Variants in CEP290 observed in about 807,000 individuals in gnomAD.
CEP290 encodes centrosomal protein 290.
Under a neutral mutation model 344.9 loss-of-function variants are expected in CEP290, and 317 were observed. The observed-to-expected ratio is 0.92, with a 90% CI of 0.84 to 1.01. The LOEUF (loss-of-function observed/expected upper bound fraction) is 1.01, where lower values mean the gene tolerates loss of function less well. Among genes scored for constraint, CEP290 ranks in the 50% least tolerant of loss-of-function variants. The pLI, the probability that CEP290 is intolerant of heterozygous loss-of-function variation, is 0.00. For synonymous variants in CEP290, 932 were observed against 895.8 expected (o/e 1.04, Z -0.72); for missense variants, 2,754 against 2,761.4 (o/e 1.00, Z 0.06).
chr12:88,079,003 C>A, intron 39 of CEP290, 89 bp downstream of exon 39: 2 of 1,152,706 alleles, frequency 1.7e-6, no homozygotes, highest in South Asian at 2.1e-5. Flanking sequence ...ATTCCCTATT[C>A]ATCAACAAAA....
intron 52 of CEP290, among the ~76,000 whole-genome samples, chr12:88,053,270 G>GA (rs1271193635): frequency 1.3e-5 from 2 of 151,880 alleles, no homozygotes; most frequent in African/African-American, 4.8e-5. Flanking sequence ...TTTGTAAACG[G>GA]AAAAAAATAT....
At position 88,064,264 on chromosome 12, in the gene CEP290, T is replaced by C. The variant is rs139935022; in HGVS notation, c.6136-149A>G. 7.8e-4 allele frequency: 477 copies of C among 615,480 alleles called. 1 individual carries two copies. The African/African-American group carries it at 9.0e-3, about 12-fold the overall frequency. The allele number at this position is 615,480 out of a possible 1,614,324, so 38.1% of individuals were successfully genotyped here. ...GGAGTGTTCTGGTGAAAGCCAAAAATAAATAAGTTAGAATACAAAACTTGC... is the reference window on the plus strand; with the variant it reads ...GGAGTGTTCTGGTGAAAGCCAAAAACAAATAAGTTAGAATACAAAACTTGC... On this transcript the variant is annotated intron_variant, in intron 44 of 53. Coordinates refer to ENST00000552810, the MANE Select transcript of CEP290 (RefSeq NM_025114.4).
intron 1 of CEP290, 36 bp from the exon 2 acceptor site, chr12:88,141,370 G>T: frequency 9.4e-7 from 1 of 1,068,566 alleles, no homozygotes; most frequent in Non-Finnish European, 1.4e-6. Context: ...CATTTTCAAG[G>T]TACACAGTAT....
At chr12:88,093,426 T>G (rs1393539183) in intron 28 of CEP290, among the ~76,000 whole-genome samples, 1 of 152,100 alleles carries the variant, frequency 6.6e-6, no homozygotes, top group Non-Finnish European at 1.5e-5. Context: ...ATTTTGTTTC[T>G]TGCTATACTG....
intron 9 of CEP290, 49 bp downstream of exon 9, chr12:88,130,219 T>C: frequency 2.0e-6 from 3 of 1,507,382 alleles, no homozygotes; most frequent in Non-Finnish European, 2.7e-6. Context: ...TGTAATGAAA[T>C]TAAAGTTTTT....
intron 19 of CEP290, 64 bp from the exon 20 acceptor site, chr12:88,114,626 C>A: frequency 7.8e-7 from 1 of 1,278,636 alleles, no homozygotes; most frequent in South Asian, 1.5e-5. Context: ...CTATGCTATA[C>A]AGATGACAAA....
At chr12:88,129,599 T>C in intron 10 of CEP290, 95 bp downstream of exon 10, 1 of 703,006 alleles carries the variant, frequency 1.4e-6, no homozygotes, top group South Asian at 2.3e-5. Context: ...AGACAAAAAT[T>C]CACATCCTAG....
chr12:88,113,927 C>A (rs1292647748), intron 20 of CEP290, among the ~76,000 whole-genome samples: 1 of 151,852 alleles, frequency 6.6e-6, no homozygotes, highest in East Asian at 1.9e-4. Flanking sequence ...CAAAAGCAAG[C>A]AGATTTTGGG....
chr12:88,122,538 G>A (rs1051385260), intron 13 of CEP290, among the ~76,000 whole-genome samples: 6 of 152,046 alleles, frequency 3.9e-5, no homozygotes, highest in African/African-American at 1.4e-4. Flanking sequence ...TAGCCATTAC[G>A]TTTTACAAGT....
At position 88,054,419 on chromosome 12, in the gene CEP290, A is replaced by G. The variant is rs768947002; in HGVS notation, c.6961-6T>C. ...ACATGTTTAAGAATCTTAATCTTTG[A>G]GGACAATGAAAAGTTAGAAGATAAG... On this transcript the variant is annotated splice_region_variant and splice_polypyrimidine_tract_variant and intron_variant, in intron 50 of 53. Transcript: ENST00000552810. The G allele has an allele frequency of 4.4e-6, 7 of 1,603,762 alleles. No homozygotes were observed. In the Admixed American group the frequency reaches 5.0e-5, roughly 12 times the overall value.
intron 11 of CEP290, 46 bp from the exon 12 acceptor site, chr12:88,126,484 T>G (rs1324078864): frequency 5.5e-6 from 7 of 1,282,836 alleles, no homozygotes; most frequent in Non-Finnish European, 7.4e-6. Context: ...GGAAAGTTAA[T>G]AAAACATTCT....
chr12:88,122,499 A>T (rs1281643424), intron 13 of CEP290, among the ~76,000 whole-genome samples: 1 of 152,126 alleles, frequency 6.6e-6, no homozygotes, highest in Admixed American at 6.6e-5. Context: ...ACTAAACCTA[A>T]TCCTAATCTT....
rs1471150710 is a variant in CEP290 at position 88,106,836 on chromosome 12, T to C, written c.2656A>G (p.Ile886Val). The change falls in exon 25 of 54, where the codon ATT (isoleucine) becomes GTT (valine). Residue 886 changes from isoleucine to valine, a missense_variant. Transcript: ENST00000552810. Reference protein sequence around the residue: ...KKILAENSRKITVLQVNEKSL... With the variant: ...KKILAENSRKVTVLQVNEKSL... ...TTTTCATTCACTTGCAAAACAGTAA[T>C]TTTCCTACTATTTTCTGCAAGTATT... 1.9e-6 allele frequency: 3 copies of C among 1,608,536 alleles called. No individual in the cohort carries two copies. The South Asian group carries it at 3.3e-5, about 18-fold the overall frequency.
chr12:88,111,724 A>G lies in CEP290; in HGVS notation c.2187T>C (p.Tyr729=). 1 of 1,597,232 alleles carries G rather than the reference A, an allele frequency of 6.3e-7. No individual in the cohort carries two copies. The highest frequency in any genetic ancestry group is 1.3e-5 in the African/African-American group (1 of 74,082). The change falls in exon 21 of 54, where the codon TAT becomes TAC. Residue 729 remains tyrosine (Y), a synonymous_variant. Coordinates refer to ENST00000552810, the MANE Select transcript of CEP290 (RefSeq NM_025114.4). The stretch of plus-strand genomic sequence containing the variant: ...AATTAGCTTTTGCCAACTGCTGTGA[A>G]TAATTTATAGCCTCTTTCCGAGATT... ...LRESRKEAIN[Y]SQQLAKANLK...
chr12:88,092,902 T>C, intron 28 of CEP290, 70 bp from the exon 29 acceptor site: 1 of 1,413,846 alleles, frequency 7.1e-7, no homozygotes, highest in Non-Finnish European at 9.9e-7. Context: ...AATTTAGCTT[T>C]TAAAGTACTG....
intron 14 of CEP290, 76 bp downstream of exon 14, chr12:88,120,921 A>T: frequency 8.3e-7 from 1 of 1,206,786 alleles, no homozygotes; most frequent in Non-Finnish European, 1.2e-6. Context: ...AATGGTATGC[A>T]GTAAATAGCA....
chr12:88,070,150 G>A (rs1195399393), intron 43 of CEP290, among the ~76,000 whole-genome samples: 7 of 152,224 alleles, frequency 4.6e-5, no homozygotes, highest in Middle Eastern at 6.8e-3. Flanking sequence ...GGTGATGCAG[G>A]GCAAGGGCAT....
At position 88,093,428 on chromosome 12, in the gene CEP290, G is replaced by A. The variant is rs150871354; in HGVS notation, c.3309+342C>T. Among the ~76,000 whole-genome samples the A allele has an allele frequency of 6.3e-3, 953 of 152,096 alleles. 13 individuals carry two copies. The highest frequency in any genetic ancestry group is 0.022 in the African/African-American group (915 of 41,538). ...GAGATTATTGTCTATTTTGTTTCTT[G>A]CTATACTGCCAGTCCCAACACAGGG... On this transcript the variant is annotated intron_variant, in intron 28 of 53. Coordinates refer to ENST00000552810, the MANE Select transcript of CEP290 (RefSeq NM_025114.4).
Position 88,049,406 on chromosome 12 carries a change from T to C in CEP290, c.7218A>G (p.Ile2406Met). ...TTTCCAGTTCTTTTTTCAGCTTCTT[T>C]ATTTCCTCCTAATGGAAACATTATC... ...DLEKQHLKEE[I>M]KKLKKELENF... is the part of the protein sequence containing the mutation. Residue 2406 changes from isoleucine (I) to methionine (M), a missense_variant, in exon 54 of 54, where the codon ATA becomes ATG. Coordinates refer to ENST00000552810, the MANE Select transcript of CEP290 (RefSeq NM_025114.4). 7.0e-7 allele frequency: 1 copy of C among 1,418,808 alleles called. No homozygotes were observed. Among genetic ancestry groups the C allele is most frequent in the Non-Finnish European group, 9.7e-7 (1 of 1,029,008 alleles). The allele number at this position is 1,418,808 out of a possible 1,614,324, so 87.9% of individuals were successfully genotyped here. A position where few individuals can be genotyped will look rare whatever the true frequency, so the allele number is the denominator to read the frequency against.
Sources: gnomAD v4.1 joint callset for allele counts (sites outside exome capture counted in the v4.1 genomes callset) on GRCh38, gnomAD v4.1.1 for gene constraint, MANE v1.5 for transcripts, NCBI Gene and HGNC (gene_info 2026-07-23, HGNC 2026-07-21) for gene names.